Variants in CCDC68 observed in about 807,000 individuals in gnomAD.
The protein encoded by CCDC68 is coiled-coil domain containing 68.
Under a neutral mutation model 47.1 loss-of-function variants are expected in CCDC68, and 45 were observed. The observed-to-expected ratio is 0.96, with a 90% CI of 0.75 to 1.23. The LOEUF is 1.23. Among genes scored for constraint, CCDC68 ranks in the 50% most tolerant of loss-of-function variants. The pLI, the probability that CCDC68 is intolerant of heterozygous loss-of-function variation, is 0.00. For missense variants in CCDC68, 353 were observed against 373.6 expected (o/e 0.94, Z 0.45); for synonymous variants, 131 against 129.5 (o/e 1.01, Z -0.08).
rs968026030 is a variant in CCDC68 at position 54,903,593 on chromosome 18, C to G, written c.*765G>C. On this transcript the variant is annotated 3_prime_UTR_variant, in exon 12 of 12. Coordinates refer to ENST00000591504, the MANE Select transcript of CCDC68 (RefSeq NM_025214.3). ...TTATTTAGATACTATTAATAACTAT[C>G]AAGAAGAAAATTAGTCACAAAGGCA... The G allele has an allele frequency of 6.6e-6, 1 of 152,106 alleles. No homozygotes were observed. Among genetic ancestry groups the G allele is most frequent in the African/African-American group, 2.4e-5 (1 of 41,428 alleles). The allele number at this position is 152,106 out of a possible 1,614,324, so 9.4% of individuals were successfully genotyped here. A position where few individuals can be genotyped will look rare whatever the true frequency, so the allele number is the denominator to read the frequency against.
At position 54,942,996 on chromosome 18, in the gene CCDC68, T is replaced by C. The variant is rs541867695; in HGVS notation, c.-12-193A>G. 5.6e-5 allele frequency: 22 copies of C among 392,840 alleles called. No homozygotes were observed. The South Asian group carries it at 8.8e-4, about 16-fold the overall frequency. 24.3% of individuals were successfully genotyped at this position (392,840 alleles called of 1,614,324 possible). On this transcript the variant is annotated intron_variant, in intron 2 of 11. Transcript: ENST00000591504. ...AAAGCCATATCATCTGAAGGAATCATTAATTAAAAATTTAACATTTAAATA... is the reference window on the plus strand; with the variant it reads ...AAAGCCATATCATCTGAAGGAATCACTAATTAAAAATTTAACATTTAAATA...
chr18:54,907,896 CTA>C (rs1213041660), intron 10 of CCDC68, 34 bp from the exon 11 acceptor site: 1 of 1,203,594 alleles, frequency 8.3e-7, no homozygotes, highest in Admixed American at 1.7e-5. Flanking sequence ...CGTCAAATAG[CTA>C]ACACATTTAT....
intron 2 of CCDC68, among the ~76,000 whole-genome samples, chr18:54,943,377 A>G (rs4801114): frequency 0.66 from 100,669 of 151,914 alleles, 33,671 homozygotes; most frequent in African/African-American, 0.76. Context: ...AAAATAATAT[A>G]TAATATCACA....
intron 11 of CCDC68, 63 bp from the exon 12 acceptor site, chr18:54,904,478 A>G (rs1913868803): frequency 7.9e-7 from 1 of 1,269,060 alleles, no homozygotes; most frequent in African/African-American, 1.5e-5. Context: ...TTATGGCTAG[A>G]CTACCATACT....
intron 1 of CCDC68, among the ~76,000 whole-genome samples, chr18:54,950,947 C>T (rs1481156663): frequency 8.9e-6 from 1 of 112,324 alleles, no homozygotes; most frequent in South Asian, 3.4e-4. Flanking sequence ...CTCGCTCTGT[C>T]GCCCAGGCTG....
At chr18:54,950,588 A>G (rs2044596223) in intron 1 of CCDC68, among the ~76,000 whole-genome samples, 1 of 152,220 alleles carries the variant, frequency 6.6e-6, no homozygotes. Flanking sequence ...TCATTTGTAT[A>G]TACACATATA....
rs371503949 is a variant in CCDC68 at position 54,940,587 on chromosome 18, TG to T, written c.204+409del. Among the ~76,000 whole-genome samples, 823 of 152,260 alleles carry T rather than the reference TG, an allele frequency of 5.4e-3. 2 individuals carry two copies. The highest frequency in any genetic ancestry group is 8.4e-3 in the Non-Finnish European group (570 of 68,006). ...GACCTTAGGTATATACAGCTGATGT[TG>T]GGGAAGGGAGTGCATTCAAACTTAT... On this transcript the variant is annotated intron_variant, in intron 4 of 11. Coordinates refer to ENST00000591504, the MANE Select transcript of CCDC68 (RefSeq NM_025214.3).
intron 6 of CCDC68, among the ~76,000 whole-genome samples, chr18:54,935,884 A>G (rs2044334792): frequency 1.3e-5 from 2 of 152,088 alleles, no homozygotes; most frequent in Admixed American, 1.3e-4. Context: ...AAACACACAC[A>G]CACAGGCATA....
chr18:54,919,812 C>T (rs1051595555), intron 8 of CCDC68, among the ~76,000 whole-genome samples: 1 of 152,104 alleles, frequency 6.6e-6, no homozygotes. Context: ...TTATAAGAAA[C>T]CAATTTCTAA....
intron 7 of CCDC68, among the ~76,000 whole-genome samples, chr18:54,934,425 C>G (rs1201479557): frequency 6.6e-6 from 1 of 152,206 alleles, no homozygotes; most frequent in East Asian, 1.9e-4. Flanking sequence ...ATGGATACTG[C>G]ACTGACTCTA....
intron 2 of CCDC68, among the ~76,000 whole-genome samples, chr18:54,944,410 G>C (rs535408120): frequency 1.3e-5 from 2 of 152,172 alleles, no homozygotes; most frequent in South Asian, 4.2e-4. Flanking sequence ...GAGATATCTG[G>C]TCATATCAGC....
At chr18:54,922,757 G>A (rs2044081735) in intron 8 of CCDC68, among the ~76,000 whole-genome samples, 1 of 152,062 alleles carries the variant, frequency 6.6e-6, no homozygotes, top group Non-Finnish European at 1.5e-5. Flanking sequence ...GGAGGCCAAG[G>A]CGAGTGGATC....
Position 54,918,001 on chromosome 18 carries a change from G to C in CCDC68, c.790-5C>G. On this transcript the variant is annotated splice_polypyrimidine_tract_variant and splice_region_variant and intron_variant, in intron 9 of 11. Transcript: ENST00000591504. ...ATTATTTTTTAATCCTTCCATCTAAGAATTAGAAAACACAATAGGAAAAAC... is the reference window on the plus strand; with the variant it reads ...ATTATTTTTTAATCCTTCCATCTAACAATTAGAAAACACAATAGGAAAAAC... 1 of 1,315,390 alleles carries C rather than the reference G, an allele frequency of 7.6e-7. No individual in the cohort carries two copies. Among genetic ancestry groups the C allele is most frequent in the Non-Finnish European group, 1.1e-6 (1 of 930,240 alleles). The allele number at this position is 1,315,390 out of a possible 1,614,324, so 81.5% of individuals were successfully genotyped here. A position where few individuals can be genotyped will look rare whatever the true frequency, so the allele number is the denominator to read the frequency against.
intron 7 of CCDC68, among the ~76,000 whole-genome samples, chr18:54,930,368 GA>G (rs1456631469): frequency 6.6e-6 from 1 of 152,102 alleles, no homozygotes; most frequent in Non-Finnish European, 1.5e-5. Context: ...TGGGATAATA[GA>G]GATAATATAT....
chr18:54,950,481 C>T (rs115798447), intron 1 of CCDC68, among the ~76,000 whole-genome samples: 3,149 of 152,074 alleles, frequency 0.021, 107 homozygotes, highest in African/African-American at 0.072. Flanking sequence ...GCACAGTATA[C>T]GAAAGACATG....
At chr18:54,939,170 A>G (rs548736592) in intron 4 of CCDC68, among the ~76,000 whole-genome samples, 15 of 152,238 alleles carry the variant, frequency 9.9e-5, no homozygotes, top group Admixed American at 2.0e-4. Context: ...ATCCTCCCTC[A>G]CCGTAACTCT....
Position 54,937,980 on chromosome 18 carries a change from CTT to C in CCDC68, c.320_321del (p.Lys107ArgfsTer3). 1 of 1,611,864 alleles carries C rather than the reference CTT, an allele frequency of 6.2e-7. No individual in the cohort carries two copies. The highest frequency in any genetic ancestry group is 8.5e-7 in the Non-Finnish European group (1 of 1,179,204). ...GKDLQLLEMN[K>X]ENEVLKIKLQ... ...ACCTTGATTTTCAATACTTCATTCT[CTT>C]TGTTCATTTCTAAGAGCTGTAGGTC... On this transcript the variant is annotated frameshift_variant, in exon 5 of 12. Transcript: ENST00000591504. LOFTEE classifies it high-confidence loss of function.
In CCDC68 at chr18:54,936,821, C is replaced by T. The variant is rs2044356791; in HGVS notation, c.471+12G>A. ...GGCTAGTTCTCCAATAGACAAGCTGCATGTTTGGTACCTGGAGTAATTGTT... is the reference window on the plus strand; with the variant it reads ...GGCTAGTTCTCCAATAGACAAGCTGTATGTTTGGTACCTGGAGTAATTGTT... On this transcript the variant is annotated intron_variant, in intron 6 of 11. Transcript: ENST00000591504. 2 of 1,613,810 alleles carry T rather than the reference C, an allele frequency of 1.2e-6. No homozygotes were observed. The highest frequency in any genetic ancestry group is 2.7e-5 in the African/African-American group (2 of 74,922).
chr18:54,934,897 T>A lies in CCDC68; in HGVS notation c.523A>T (p.Asn175Tyr), dbSNP rs1386448967. 1 of 1,602,190 alleles carries A rather than the reference T, an allele frequency of 6.2e-7. No individual in the cohort carries two copies. Among genetic ancestry groups the A allele is most frequent in the East Asian group, 2.3e-5 (1 of 43,992 alleles). ...QKLKQHVENL[N>Y]QVAEKLEEKH... ...TCTTCAAGTTTTTCAGCAACTTGAT[T>A]CAGATTTTCAACATGTTGTTTCAAT... is the stretch of plus-strand genomic sequence containing the variant. Residue 175 changes from asparagine to tyrosine, a missense_variant, in exon 7 of 12, where the codon AAT becomes TAT. By Grantham distance (143) the Asn-to-Tyr change is moderately radical (BLOSUM62 -2). Transcript: ENST00000591504.
Sources: gnomAD v4.1 joint callset for allele counts (sites outside exome capture counted in the v4.1 genomes callset) on GRCh38, gnomAD v4.1.1 for gene constraint, MANE v1.5 for transcripts, NCBI Gene and HGNC (gene_info 2026-07-23, HGNC 2026-07-21) for gene names.